The following PKIA variants were observed in gnomAD, a reference collection of about 807,000 sequenced individuals.
PKIA encodes PKI-alpha.
Under a neutral mutation model 7.6 loss-of-function variants are expected in PKIA, and 4 were observed. The observed-to-expected ratio is 0.52, with a 90% CI of 0.26 to 1.20. PKIA has a LOEUF of 1.20. Among genes scored for constraint, PKIA ranks in the 50% most tolerant of loss-of-function variants. The pLI, the probability that PKIA is intolerant of heterozygous loss-of-function variation, is 0.13. For missense variants in PKIA, 73 were observed against 86.2 expected, an observed-to-expected ratio of 0.85 and a Z score of 0.61; for synonymous variants, 21 against 30.7, an observed-to-expected ratio of 0.68 and a Z score of 1.04.
chr8:78,601,464 A>G (rs548235153), intron 3 of PKIA, among the ~76,000 whole-genome samples: 1 of 152,174 alleles, frequency 6.6e-6, no homozygotes, highest in African/African-American at 2.4e-5. Flanking sequence ...TTTCTGAGCT[A>G]TTTATCCAAA....
rs1015759697 is a variant in PKIA at position 78,597,983 on chromosome 8, G to A, written c.-27-375G>A. ...AAAACCAAACACTGCACGTTCTCAC[G>A]TATAAGTGGTAGCTAAAAACTGAGT... On this transcript the variant is annotated intron_variant, in intron 2 of 3. Coordinates refer to ENST00000396418, the MANE Select transcript of PKIA (RefSeq NM_006823.4). Among the ~76,000 whole-genome samples, 13 of 151,258 alleles carry A rather than the reference G, an allele frequency of 8.6e-5. 1 individual carries two copies. The highest frequency in any genetic ancestry group is 6.6e-4 in the Admixed American group (10 of 15,146).
intron 1 of PKIA, among the ~76,000 whole-genome samples, chr8:78,540,712 T>G (rs1160699912): frequency 6.6e-6 from 1 of 151,904 alleles, no homozygotes; most frequent in African/African-American, 2.4e-5. Flanking sequence ...TTCGCAAATT[T>G]TTTTTTTTTA....
chr8:78,589,252 A>C (rs1808035426), intron 2 of PKIA, among the ~76,000 whole-genome samples: 1 of 152,212 alleles, frequency 6.6e-6, no homozygotes, highest in African/African-American at 2.4e-5. Context: ...AAAGCAAGAT[A>C]CAAATAAAAT....
chr8:78,558,530 T>A (rs1256292581), intron 1 of PKIA: 1 of 154,356 alleles, frequency 6.5e-6, no homozygotes, highest in African/African-American at 2.4e-5. Context: ...CGGAAACTCC[T>A]GATAAACTCA....
At chr8:78,555,868 G>C (rs1807121655) in intron 1 of PKIA, among the ~76,000 whole-genome samples, 1 of 151,990 alleles carries the variant, frequency 6.6e-6, no homozygotes, top group East Asian at 1.9e-4. Context: ...AGTCATATTT[G>C]AGGGACAAAT....
chr8:78,591,984 A>G (rs2130254842), intron 2 of PKIA, among the ~76,000 whole-genome samples: 1 of 152,276 alleles, frequency 6.6e-6, no homozygotes, highest in Non-Finnish European at 1.5e-5. Context: ...AATATCTGTC[A>G]AACATAATTT....
At chr8:78,534,994 C>CCAGTAAACCAGTA (rs1415204887) in intron 1 of PKIA, 3 of 152,132 alleles carry the variant, frequency 2.0e-5, no homozygotes, top group African/African-American at 7.2e-5. Flanking sequence ...CACCAGTAAA[C>CCAGTAAACCAGTA]AGCAGTGATG....
At chr8:78,566,580 A>G (rs940664157) in intron 1 of PKIA, among the ~76,000 whole-genome samples, 4 of 152,114 alleles carry the variant, frequency 2.6e-5, no homozygotes, top group Non-Finnish European at 4.4e-5. Flanking sequence ...ATTCAAATTG[A>G]TGAGCATACT....
At chr8:78,520,033 A>AG (rs2118310619) in intron 1 of PKIA, among the ~76,000 whole-genome samples, 1 of 152,134 alleles carries the variant, frequency 6.6e-6, no homozygotes, top group South Asian at 2.1e-4. Flanking sequence ...TCTAAAAAAA[A>AG]CTCTTGAAAG....
chr8:78,581,777 A>G (rs557529017), intron 2 of PKIA, among the ~76,000 whole-genome samples: 1 of 152,218 alleles, frequency 6.6e-6, no homozygotes, highest in South Asian at 2.1e-4. Flanking sequence ...TTTGTTATTA[A>G]GGGCATTATT....
At chr8:78,577,778 G>C (rs931131021) in intron 2 of PKIA, among the ~76,000 whole-genome samples, 2 of 151,964 alleles carry the variant, frequency 1.3e-5, no homozygotes, top group South Asian at 4.1e-4. Flanking sequence ...ATGTTAATCT[G>C]TACCAGTCTT....
intron 1 of PKIA, among the ~76,000 whole-genome samples, chr8:78,547,866 T>A (rs1160166856): frequency 6.7e-6 from 1 of 149,640 alleles, no homozygotes; most frequent in African/African-American, 2.5e-5. Flanking sequence ...TGATGAAAGA[T>A]GAAGCTCATC....
At chr8:78,594,224 CT>C (rs1176500254) in intron 2 of PKIA, among the ~76,000 whole-genome samples, 1 of 152,090 alleles carries the variant, frequency 6.6e-6, no homozygotes, top group Non-Finnish European at 1.5e-5. Flanking sequence ...GCTAAATCTA[CT>C]TTAACAAGAA....
At chr8:78,542,377 C>A (rs1806715293) in intron 1 of PKIA, among the ~76,000 whole-genome samples, 2 of 152,066 alleles carry the variant, frequency 1.3e-5, no homozygotes, top group South Asian at 4.2e-4. Flanking sequence ...TTAGCTCCAG[C>A]ACCTATATTC....
intron 1 of PKIA, among the ~76,000 whole-genome samples, chr8:78,531,312 A>G (rs1203059742): frequency 2.0e-5 from 3 of 152,140 alleles, no homozygotes; most frequent in African/African-American, 7.2e-5. Flanking sequence ...GACAACCGAT[A>G]ATGCCAGAAA....
intron 1 of PKIA, among the ~76,000 whole-genome samples, chr8:78,549,883 G>A (rs1048771450): frequency 5.3e-5 from 8 of 151,992 alleles, no homozygotes; most frequent in African/African-American, 1.9e-4. Context: ...GAACTCTGAG[G>A]TTTCATTTAT....
In PKIA at chr8:78,572,885, G is replaced by A. The variant is rs1563584977; in HGVS notation, c.-82G>A. 2 of 151,802 alleles carry A rather than the reference G, an allele frequency of 1.3e-5. No individual in the cohort carries two copies. Among genetic ancestry groups the A allele is most frequent in the South Asian group, 4.2e-4 (2 of 4,816 alleles). 9.4% of individuals were successfully genotyped at this position (151,802 alleles called of 1,614,324 possible). ...ATAGAAATCTGAAGGTCATCTCCAA[G>A]AAAAAAGAGATCTAGTATAGTCAAT... On this transcript the variant is annotated 5_prime_UTR_variant, in exon 2 of 4. Transcript: ENST00000396418.
At chr8:78,592,925 A>C (rs1808136242) in intron 2 of PKIA, among the ~76,000 whole-genome samples, 1 of 152,222 alleles carries the variant, frequency 6.6e-6, no homozygotes, top group African/African-American at 2.4e-5. Context: ...AAAAACAGGG[A>C]CCTTTACTGC....
chr8:78,540,064 T>G (rs755719771), intron 1 of PKIA, among the ~76,000 whole-genome samples: 35 of 145,724 alleles, frequency 2.4e-4, no homozygotes, highest in Non-Finnish European at 4.3e-4. Flanking sequence ...AATTACAACA[T>G]CAGAGAAGAA....
Sources: allele counts gnomAD v4.1 joint callset (sites outside exome capture counted in the v4.1 genomes callset), GRCh38; gene constraint gnomAD v4.1.1; transcripts MANE v1.5; gene names NCBI Gene and HGNC (gene_info 2026-07-23, HGNC 2026-07-21).